Variants in RALA observed in about 807,000 individuals in gnomAD.
The protein encoded by RALA is ras-related protein Ral-A.
Under a neutral mutation model 24.0 loss-of-function variants are expected in RALA, and 5 were observed. That is an observed-to-expected ratio of 0.21 (90% CI 0.11 to 0.44). RALA has a LOEUF of 0.44. Among genes scored for constraint, RALA ranks in the 20% least tolerant of loss-of-function variants. The probability of loss-of-function intolerance (pLI) is 0.99; values close to 1 mark genes in which losing one functional copy is unlikely to be tolerated. For synonymous variants in RALA, 77 were observed against 83.8 expected (o/e 0.92, Z 0.44); for missense variants, 95 against 241.2 (o/e 0.39, Z 4.01).
intron 1 of RALA, 26 bp from the exon 2 acceptor site, chr7:39,686,605 A>G: frequency 2.4e-6 from 3 of 1,265,682 alleles, no homozygotes; most frequent in African/African-American, 1.5e-5. Flanking sequence ...TGTACTGAGC[A>G]TTACTTATTC....
intron 4 of RALA, among the ~76,000 whole-genome samples, chr7:39,701,186 A>T (rs1278748640): frequency 6.6e-6 from 1 of 152,220 alleles, no homozygotes; most frequent in East Asian, 1.9e-4. Context: ...TCTGGCGCTC[A>T]CATGCTCACA....
chr7:39,672,672 G>A (rs1440419621), intron 1 of RALA, among the ~76,000 whole-genome samples: 8 of 147,410 alleles, frequency 5.4e-5, no homozygotes, highest in Admixed American at 4.7e-4. Flanking sequence ...AAAGATGCAT[G>A]CACTGATACA....
intron 1 of RALA, among the ~76,000 whole-genome samples, chr7:39,643,685 G>C (rs563643124): frequency 2.0e-5 from 3 of 151,724 alleles, no homozygotes; most frequent in Non-Finnish European, 4.4e-5. Context: ...TCAAAACCCC[G>C]TCTCTACTAA....
intron 1 of RALA, among the ~76,000 whole-genome samples, chr7:39,659,395 CTT>C (rs953171558): frequency 6.7e-6 from 1 of 149,280 alleles, no homozygotes; most frequent in Non-Finnish European, 1.5e-5. Context: ...ATTGTCAAGT[CTT>C]TTTTTTTTCC....
At chr7:39,687,366 G>T (rs1792724431) in intron 2 of RALA, among the ~76,000 whole-genome samples, 1 of 151,778 alleles carries the variant, frequency 6.6e-6, no homozygotes, top group Admixed American at 6.6e-5. Flanking sequence ...GGCGGAGCTT[G>T]CAGTGAGCCG....
intron 1 of RALA, among the ~76,000 whole-genome samples, chr7:39,626,501 C>T (rs1791490552): frequency 6.6e-6 from 1 of 152,220 alleles, no homozygotes; most frequent in Non-Finnish European, 1.5e-5. Flanking sequence ...TGATTCCTCT[C>T]TCTTGGACAT....
At chr7:39,683,022 C>T (rs1400272690) in intron 1 of RALA, among the ~76,000 whole-genome samples, 2 of 152,112 alleles carry the variant, frequency 1.3e-5, no homozygotes, top group East Asian at 3.9e-4. Flanking sequence ...ATAAGATCAT[C>T]AGGGTAGGGC....
At chr7:39,638,104 G>A (rs1388785959) in intron 1 of RALA, among the ~76,000 whole-genome samples, 1 of 151,964 alleles carries the variant, frequency 6.6e-6, no homozygotes, top group Non-Finnish European at 1.5e-5. Flanking sequence ...AAAAGACAGG[G>A]TCTTATTCTG....
chr7:39,661,244 C>A (rs896965958), intron 1 of RALA, among the ~76,000 whole-genome samples: 2 of 152,202 alleles, frequency 1.3e-5, no homozygotes, highest in Non-Finnish European at 2.9e-5. Context: ...GGTGGGTACA[C>A]AACCAAACCA....
chr7:39,656,659 C>A (rs545900803), intron 1 of RALA, among the ~76,000 whole-genome samples: 3 of 152,162 alleles, frequency 2.0e-5, no homozygotes, highest in Non-Finnish European at 4.4e-5. Flanking sequence ...TGTGGCTAAT[C>A]CTGAAGGAAG....
At chr7:39,679,850 A>T (rs986583941) in intron 1 of RALA, among the ~76,000 whole-genome samples, 1 of 151,984 alleles carries the variant, frequency 6.6e-6, no homozygotes, top group Non-Finnish European at 1.5e-5. Flanking sequence ...AGCTGGGACT[A>T]CAGCCGTGCG....
At chr7:39,668,332 G>C (rs1220304290) in intron 1 of RALA, among the ~76,000 whole-genome samples, 1 of 152,174 alleles carries the variant, frequency 6.6e-6, no homozygotes, top group African/African-American at 2.4e-5. Context: ...ATTTCTTAGA[G>C]TCTATCTCAT....
chr7:39,697,462 C>T (rs2116100882), intron 4 of RALA: 1 of 456,714 alleles, frequency 2.2e-6, no homozygotes, highest in Non-Finnish European at 4.4e-6. Flanking sequence ...TTTCATCCCA[C>T]TGCCCTAGAC....
intron 4 of RALA, among the ~76,000 whole-genome samples, chr7:39,699,467 A>G (rs1792984830): frequency 6.6e-6 from 1 of 152,222 alleles, no homozygotes. Context: ...AGAACAAATT[A>G]TGCACTCACG....
chr7:39,683,192 C>T (rs1020439638), intron 1 of RALA, among the ~76,000 whole-genome samples: 4 of 152,126 alleles, frequency 2.6e-5, no homozygotes, highest in African/African-American at 9.7e-5. Flanking sequence ...AATAAATTAC[C>T]CAGTCTCAGA....
At position 39,706,476 on chromosome 7, in the gene RALA, A is replaced by G. The variant is rs1323763909; in HGVS notation, c.*231A>G. On this transcript the variant is annotated 3_prime_UTR_variant, in exon 5 of 5. Transcript: ENST00000005257. Reference sequence around the variant, plus strand: ...TATTTCATAATTGCCTACATTTATCATGGTCCTGAATGTAGCGTGTAAGCT... The same window carrying G: ...TATTTCATAATTGCCTACATTTATCGTGGTCCTGAATGTAGCGTGTAAGCT... 2.4e-6 allele frequency: 1 copy of G among 412,254 alleles called. No individual in the cohort carries two copies. The highest frequency in any genetic ancestry group is 4.3e-6 in the Non-Finnish European group (1 of 230,154). The allele number at this position is 412,254 out of a possible 1,614,324, so 25.5% of individuals were successfully genotyped here. A position where few individuals can be genotyped will look rare whatever the true frequency, so the allele number is the denominator to read the frequency against.
intron 1 of RALA, among the ~76,000 whole-genome samples, chr7:39,639,827 C>G (rs1358623197): frequency 6.6e-6 from 1 of 152,106 alleles, no homozygotes; most frequent in East Asian, 1.9e-4. Flanking sequence ...GCAGGATGCC[C>G]TCATGCACAC....
chr7:39,704,011 C>G (rs978042665), intron 4 of RALA, among the ~76,000 whole-genome samples: 2 of 151,766 alleles, frequency 1.3e-5, no homozygotes, highest in Non-Finnish European at 2.9e-5. Context: ...ACTAAAAATA[C>G]AAAAATTAGC....
intron 1 of RALA, among the ~76,000 whole-genome samples, chr7:39,671,323 A>G (rs1165074941): frequency 6.6e-6 from 1 of 152,038 alleles, no homozygotes; most frequent in Non-Finnish European, 1.5e-5. Flanking sequence ...TAATTTGCTA[A>G]TGCTTTGTCT....
Sources: gnomAD v4.1 joint callset for allele counts (sites outside exome capture counted in the v4.1 genomes callset) on GRCh38, gnomAD v4.1.1 for gene constraint, MANE v1.5 for transcripts, NCBI Gene and HGNC (gene_info 2026-07-23, HGNC 2026-07-21) for gene names.